MAST4: variants seen among roughly 807,000 people sequenced by gnomAD.
The protein encoded by MAST4 is microtubule-associated serine/threonine-protein kinase 4.
A neutral mutation model predicts 162.7 loss-of-function variants in MAST4; 89 were observed. That is an observed-to-expected ratio of 0.55 (90% CI 0.46 to 0.65). The LOEUF (loss-of-function observed/expected upper bound fraction) is 0.65. Among genes scored for constraint, MAST4 ranks in the 30% least tolerant of loss-of-function variants. The probability of loss-of-function intolerance (pLI) is 0.00; values close to 1 mark genes in which losing one functional copy is unlikely to be tolerated. For synonymous variants in MAST4, 1,479 were observed against 1,361.1 expected (o/e 1.09, Z -1.91); for missense variants, 3,153 against 3,374.0 (o/e 0.93, Z 1.62).
chr5:66,860,166 A>T (rs2149836472), intron 3 of MAST4, among the ~76,000 whole-genome samples: 1 of 152,258 alleles, frequency 6.6e-6, no homozygotes, highest in East Asian at 1.9e-4. Context: ...ACATTTTTAA[A>T]CCTTTTATAC....
At chr5:67,154,458 T>G (rs1431715591) in intron 26 of MAST4, among the ~76,000 whole-genome samples, 1 of 152,268 alleles carries the variant, frequency 6.6e-6, no homozygotes. Flanking sequence ...TGATTTATTT[T>G]GTAAAGTATT....
rs375316820 is a variant in MAST4 at position 66,695,802 on chromosome 5, C to T, written c.364-63907C>T. Reference sequence around the variant, plus strand: ...TGTGGAAGACAGTGTGGCAATTCTTCGAAGACCTAGAACCAGAAATATCAT... The same window carrying T: ...TGTGGAAGACAGTGTGGCAATTCTTTGAAGACCTAGAACCAGAAATATCAT... On this transcript the variant is annotated intron_variant, in intron 1 of 28. Transcript: ENST00000403625. Among the ~76,000 whole-genome samples, 257 of 152,208 alleles carry T rather than the reference C, an allele frequency of 1.7e-3. 1 individual carries two copies. Among genetic ancestry groups the T allele is most frequent in the African/African-American group, 5.6e-3 (234 of 41,518 alleles).
chr5:66,721,860 T>C (rs1304316282), intron 1 of MAST4, among the ~76,000 whole-genome samples: 1 of 151,950 alleles, frequency 6.6e-6, no homozygotes, highest in African/African-American at 2.4e-5. Context: ...TGAGGCTATA[T>C]TGAAATCATT....
intron 4 of MAST4, among the ~76,000 whole-genome samples, chr5:66,999,614 A>G (rs1406068754): frequency 2.6e-5 from 4 of 151,980 alleles, no homozygotes; most frequent in Non-Finnish European, 5.9e-5. Context: ...TATCCTTTAC[A>G]CTACCTTCGG....
intron 4 of MAST4, among the ~76,000 whole-genome samples, chr5:66,984,764 G>A (rs895720040): frequency 6.6e-6 from 1 of 151,878 alleles, no homozygotes. Flanking sequence ...GGATGGGGGC[G>A]GGGCGGGGGG....
chr5:67,105,941 C>T (rs1345338430), intron 10 of MAST4, among the ~76,000 whole-genome samples: 1 of 152,162 alleles, frequency 6.6e-6, no homozygotes, highest in East Asian at 1.9e-4. Flanking sequence ...GAGTGAATGG[C>T]TTCTGATACC....
At chr5:66,795,294 T>G (rs946635431) in intron 3 of MAST4, among the ~76,000 whole-genome samples, 25 of 152,222 alleles carry the variant, frequency 1.6e-4, no homozygotes, top group Non-Finnish European at 1.5e-4. Flanking sequence ...TTATCATAAT[T>G]TACTAAACTG....
intron 5 of MAST4, among the ~76,000 whole-genome samples, chr5:67,076,887 T>TGA (rs1447451735): frequency 6.6e-6 from 1 of 152,204 alleles, no homozygotes; most frequent in Non-Finnish European, 1.5e-5. Flanking sequence ...ATACAAACTC[T>TGA]GAGGCTCCAA....
intron 4 of MAST4, among the ~76,000 whole-genome samples, chr5:67,035,819 G>T (rs141247220): frequency 6.6e-6 from 1 of 152,238 alleles, no homozygotes; most frequent in East Asian, 1.9e-4. Context: ...TACTCACATG[G>T]TTAGCTACAT....
intron 4 of MAST4, among the ~76,000 whole-genome samples, chr5:66,919,099 AACACACACACACACACACACAC>A (rs56340246): frequency 2.8e-5 from 4 of 142,208 alleles, no homozygotes; most frequent in African/African-American, 2.6e-5. Context: ...CGAGACTCTC[AACACACACACACACACACACAC>A]ACACACACAC....
intron 3 of MAST4, among the ~76,000 whole-genome samples, chr5:66,843,136 T>G (rs1758545192): frequency 1.3e-5 from 2 of 152,158 alleles, no homozygotes; most frequent in Non-Finnish European, 2.9e-5. Context: ...CTCTTTTATA[T>G]TGTTGTGCCT....
intron 4 of MAST4, among the ~76,000 whole-genome samples, chr5:66,918,223 T>G (rs948809847): frequency 8.5e-5 from 13 of 152,160 alleles, no homozygotes; most frequent in Admixed American, 8.5e-4. Context: ...TTTCAATGAA[T>G]GTAAGTTTTT....
At chr5:66,971,231 TGTG>T (rs1747398493) in intron 4 of MAST4, among the ~76,000 whole-genome samples, 1 of 152,194 alleles carries the variant, frequency 6.6e-6, no homozygotes, top group Admixed American at 6.5e-5. Flanking sequence ...TGTTTTGACT[TGTG>T]GAGCCCGATA....
chr5:66,921,857 T>G (rs966716606), intron 4 of MAST4, among the ~76,000 whole-genome samples: 1 of 152,232 alleles, frequency 6.6e-6, no homozygotes, highest in African/African-American at 2.4e-5. Flanking sequence ...AAATGTAACT[T>G]CATGTAACGT....
Position 67,149,369 on chromosome 5 carries a change from A to T in MAST4, c.3095-20A>T. On this transcript the variant is annotated intron_variant, in intron 23 of 28. Coordinates refer to ENST00000403625, the MANE Select transcript of MAST4 (RefSeq NM_001164664.2). Reference sequence around the variant, plus strand: ...ATCCTGGATTTTCCTGAATGTGTTTATCCCTTCTTCTTTGTACAGTTGGCA... The same window carrying T: ...ATCCTGGATTTTCCTGAATGTGTTTTTCCCTTCTTCTTTGTACAGTTGGCA... The T allele has an allele frequency of 6.2e-7, 1 of 1,603,784 alleles. No individual in the cohort carries two copies. Among genetic ancestry groups the T allele is most frequent in the Non-Finnish European group, 8.5e-7 (1 of 1,174,754 alleles).
At chr5:66,824,870 A>G (rs1417626512) in intron 3 of MAST4, among the ~76,000 whole-genome samples, 1 of 152,214 alleles carries the variant, frequency 6.6e-6, no homozygotes, top group Non-Finnish European at 1.5e-5. Flanking sequence ...AAAATACAAT[A>G]TAAAAGATAT....
chr5:67,152,530 T>C (rs1203770556), intron 24 of MAST4, 107 bp from the exon 25 acceptor site: 2 of 802,226 alleles, frequency 2.5e-6, no homozygotes, highest in South Asian at 1.6e-5. Flanking sequence ...AATGGATTTG[T>C]GTTGTGACTA....
At chr5:66,907,097 T>C (rs1763401014) in intron 4 of MAST4, among the ~76,000 whole-genome samples, 1 of 150,752 alleles carries the variant, frequency 6.6e-6, no homozygotes. Flanking sequence ...CTTGTGGACA[T>C]ATAGAAGGGT....
At chr5:67,123,495 A>G (rs922994833) in intron 14 of MAST4, among the ~76,000 whole-genome samples, 2 of 152,174 alleles carry the variant, frequency 1.3e-5, no homozygotes, top group Non-Finnish European at 2.9e-5. Context: ...TCTTCTCACA[A>G]GAGCCCTTGT....
Sources: allele counts gnomAD v4.1 joint callset (sites outside exome capture counted in the v4.1 genomes callset), GRCh38; gene constraint gnomAD v4.1.1; transcripts MANE v1.5; gene names NCBI Gene and HGNC (gene_info 2026-07-23, HGNC 2026-07-21).